The following KCNMA1 variants were observed in gnomAD, a reference collection of about 807,000 sequenced individuals.
KCNMA1 encodes the protein potassium calcium-activated channel subfamily M alpha 1.
KCNMA1 carries 29 observed loss-of-function variants against 140.0 expected under a neutral mutation model. The ratio of observed to expected loss-of-function variants is 0.21; its 90% confidence interval spans 0.15 to 0.28. KCNMA1 has a LOEUF of 0.28. Among genes scored for constraint, KCNMA1 ranks in the 10% least tolerant of loss-of-function variants. The pLI, the probability that KCNMA1 is intolerant of heterozygous loss-of-function variation, is 1.00. For missense variants in KCNMA1, 880 were observed against 1,602.2 expected, an observed-to-expected ratio of 0.55 and a Z score of 7.70; for synonymous variants, 612 against 611.9, an observed-to-expected ratio of 1.00 and a Z score of 0.00.
At chr10:77,367,451 TC>T (rs537951076) in intron 2 of KCNMA1, among the ~76,000 whole-genome samples, 109 of 152,216 alleles carry the variant, frequency 7.2e-4, no homozygotes, top group Admixed American at 1.6e-3. Flanking sequence ...CCACTTGTGT[TC>T]CCAAGAGCCC....
intron 23 of KCNMA1, among the ~76,000 whole-genome samples, chr10:76,938,138 TC>T (rs2061052663): frequency 6.6e-6 from 1 of 152,118 alleles, no homozygotes; most frequent in Admixed American, 6.5e-5. Flanking sequence ...CTTGCCTCTC[TC>T]CCTCTCTCTG....
intron 2 of KCNMA1, among the ~76,000 whole-genome samples, chr10:77,275,967 C>T (rs1444553235): frequency 1.3e-5 from 2 of 152,178 alleles, no homozygotes; most frequent in South Asian, 2.1e-4. Flanking sequence ...CAGCCCTGTC[C>T]CATGTCAAGT....
intron 3 of KCNMA1, among the ~76,000 whole-genome samples, chr10:77,214,650 A>G (rs936513989): frequency 2.0e-5 from 3 of 152,172 alleles, no homozygotes; most frequent in Non-Finnish European, 4.4e-5. Context: ...CTAGAGCTTC[A>G]ATGTCAAAGA....
chr10:76,915,817 A>T (rs2052591889), intron 23 of KCNMA1, among the ~76,000 whole-genome samples: 1 of 152,058 alleles, frequency 6.6e-6, no homozygotes, highest in Admixed American at 6.6e-5. Flanking sequence ...AACACATAGG[A>T]AGAGATTCTC....
chr10:77,252,931 G>A (rs2059965596), intron 2 of KCNMA1, among the ~76,000 whole-genome samples: 2 of 151,030 alleles, frequency 1.3e-5, no homozygotes, highest in Admixed American at 1.3e-4. Flanking sequence ...CAGTCTATCA[G>A]TAATTATCAC....
At position 77,086,476 on chromosome 10, in the gene KCNMA1, C is replaced by T; in HGVS notation, c.1440+12G>A. ...GATGGAATAAAAGCAGAAGTCACCT[C>T]TTCCTCCTTACCTTGACTCTTGCAA... On this transcript the variant is annotated intron_variant, in intron 11 of 27. Transcript: ENST00000286628. 2 of 1,587,604 alleles carry T rather than the reference C, an allele frequency of 1.3e-6. No individual in the cohort carries two copies. Among genetic ancestry groups the T allele is most frequent in the Non-Finnish European group, 1.7e-6 (2 of 1,155,728 alleles).
chr10:77,117,561 A>AAAAAAAAAAAAAAAAAAAAG (rs1554837398), intron 6 of KCNMA1, among the ~76,000 whole-genome samples: 5 of 147,612 alleles, frequency 3.4e-5, no homozygotes, highest in African/African-American at 1.3e-4. Flanking sequence ...AAAAAAAAAA[A>AAAAAAAAAAAAAAAAAAAAG]AAAAGAAAAG....
At chr10:77,563,148 G>A (rs2066955040) in intron 1 of KCNMA1, among the ~76,000 whole-genome samples, 1 of 151,842 alleles carries the variant, frequency 6.6e-6, no homozygotes, top group Admixed American at 6.5e-5. Flanking sequence ...AAACCCGTAG[G>A]TAGCTCAAAC....
chr10:77,238,744 C>A (rs114875407), intron 3 of KCNMA1, among the ~76,000 whole-genome samples: 1,789 of 152,284 alleles, frequency 0.012, 32 homozygotes, highest in African/African-American at 0.041. Flanking sequence ...ATCTTCATGG[C>A]AGAAGAAACA....
intron 14 of KCNMA1, among the ~76,000 whole-genome samples, chr10:77,066,037 C>G (rs1246106586): frequency 6.6e-6 from 1 of 152,142 alleles, no homozygotes; most frequent in South Asian, 2.1e-4. Flanking sequence ...AGGGACCTGA[C>G]TGCTTAGGAC....
At chr10:76,969,602 G>C (rs1182360408) in intron 20 of KCNMA1, among the ~76,000 whole-genome samples, 2 of 152,204 alleles carry the variant, frequency 1.3e-5, no homozygotes, top group Non-Finnish European at 2.9e-5. Context: ...CCAGCAGAAA[G>C]AGACTGCCGC....
At chr10:77,475,071 A>C (rs1343633349) in intron 1 of KCNMA1, among the ~76,000 whole-genome samples, 1 of 152,172 alleles carries the variant, frequency 6.6e-6, no homozygotes, top group African/African-American at 2.4e-5. Flanking sequence ...TGGAGCTAGG[A>C]GCTTTCGTTC....
intron 2 of KCNMA1, among the ~76,000 whole-genome samples, chr10:77,269,319 C>T (rs2064319928): frequency 6.6e-6 from 1 of 152,200 alleles, no homozygotes; most frequent in Non-Finnish European, 1.5e-5. Flanking sequence ...TGAATATCCA[C>T]TTGGGCTGTA....
At chr10:77,099,180 T>G (rs1037624890) in intron 9 of KCNMA1, among the ~76,000 whole-genome samples, 1 of 151,958 alleles carries the variant, frequency 6.6e-6, no homozygotes, top group African/African-American at 2.4e-5. Flanking sequence ...AGCAAAGAAA[T>G]GGCTCTGAAT....
At chr10:76,971,973 G>T (rs2076207631) in intron 19 of KCNMA1, among the ~76,000 whole-genome samples, 1 of 137,444 alleles carries the variant, frequency 7.3e-6, no homozygotes, top group Admixed American at 7.3e-5. Context: ...GAGGGTGTGT[G>T]GGTGTGTGTG....
intron 6 of KCNMA1, among the ~76,000 whole-genome samples, chr10:77,117,227 A>G (rs758578606): frequency 6.6e-6 from 1 of 152,124 alleles, no homozygotes. Flanking sequence ...GTGTTGTTGC[A>G]ATGTTTACCA....
At chr10:77,587,761 T>C (rs916175250) in intron 1 of KCNMA1, 33 of 985,296 alleles carry the variant, frequency 3.3e-5, no homozygotes, top group African/African-American at 3.1e-4. Context: ...ATGTCTTTTA[T>C]TGATCAACAA....
At chr10:77,134,947 G>A (rs1336235476) in intron 5 of KCNMA1, among the ~76,000 whole-genome samples, 2 of 119,982 alleles carry the variant, frequency 1.7e-5, no homozygotes, top group Non-Finnish European at 3.2e-5. Context: ...GCAGTGAGCT[G>A]AGATCATGCC....
chr10:77,600,694 C>T (rs547607136), intron 1 of KCNMA1, among the ~76,000 whole-genome samples: 8 of 152,226 alleles, frequency 5.3e-5, no homozygotes, highest in South Asian at 2.1e-4. Flanking sequence ...TTGCGGTGAG[C>T]TGAGGTCACG....
Sources: allele counts gnomAD v4.1 joint callset (sites outside exome capture counted in the v4.1 genomes callset), GRCh38; gene constraint gnomAD v4.1.1; transcripts MANE v1.5; gene names NCBI Gene and HGNC (gene_info 2026-07-23, HGNC 2026-07-21).